The following BCAS3 variants were observed in gnomAD, a reference collection of about 807,000 sequenced individuals.
BCAS3 encodes the protein BCAS4/BCAS3 fusion.
BCAS3 carries 53 observed loss-of-function variants against 116.1 expected under a neutral mutation model. That is an observed-to-expected ratio of 0.46 (90% CI 0.37 to 0.57). BCAS3 has a LOEUF of 0.57. Among genes scored for constraint, BCAS3 ranks in the 20% least tolerant of loss-of-function variants. The probability of loss-of-function intolerance (pLI) is 0.00; values close to 1 mark genes in which losing one functional copy is unlikely to be tolerated. For missense variants in BCAS3, 917 were observed against 1,165.4 expected, an observed-to-expected ratio of 0.79 and a Z score of 3.10; for synonymous variants, 391 against 408.2, an observed-to-expected ratio of 0.96 and a Z score of 0.51.
chr17:61,157,900 A>T (rs570828654), intron 22 of BCAS3, among the ~76,000 whole-genome samples: 1 of 152,282 alleles, frequency 6.6e-6, no homozygotes, highest in East Asian at 1.9e-4. Flanking sequence ...TCTGTTTTAG[A>T]TTGCAGCTTT....
intron 15 of BCAS3, among the ~76,000 whole-genome samples, chr17:61,002,391 T>C (rs989631266): frequency 1.3e-5 from 2 of 152,126 alleles, no homozygotes; most frequent in African/African-American, 4.8e-5. Flanking sequence ...ATTTTTTACA[T>C]GGGCAAATCA....
chr17:61,068,599 G>A lies in BCAS3; in HGVS notation c.2030-6321G>A, dbSNP rs1375660912. Among the ~76,000 whole-genome samples, 1 of 152,124 alleles carries A rather than the reference G, an allele frequency of 6.6e-6. No individual in the cohort carries two copies. Among genetic ancestry groups the A allele is most frequent in the Admixed American group, 6.6e-5 (1 of 15,256 alleles). ...ACCTGGCTGTACAGACACACTATGT[G>A]CACACCATTTCTACTCTTGTACCAT... is the stretch of plus-strand genomic sequence containing the variant. On this transcript the variant is annotated intron_variant, in intron 19 of 23. Transcript: ENST00000407086. The surrounding 1 kb of genome is among the most constrained non-coding windows in gnomAD (Gnocchi z 4.3).
At chr17:61,238,739 A>C (rs1602112147) in intron 22 of BCAS3, among the ~76,000 whole-genome samples, 1 of 151,742 alleles carries the variant, frequency 6.6e-6, no homozygotes, top group Non-Finnish European at 1.5e-5. Context: ...TCCTCTGCTG[A>C]CCCTGCTGCT....
chr17:60,719,681 G>T (rs1294627666), intron 5 of BCAS3, among the ~76,000 whole-genome samples: 1 of 152,148 alleles, frequency 6.6e-6, no homozygotes, highest in Non-Finnish European at 1.5e-5. Flanking sequence ...AGAATCTTTT[G>T]GTAACATACA....
intron 19 of BCAS3, among the ~76,000 whole-genome samples, chr17:61,045,885 T>TA (rs2068063988): frequency 2.6e-5 from 1 of 38,476 alleles, no homozygotes; most frequent in Non-Finnish European, 3.6e-5. Context: ...AAATATATAT[T>TA]ATATATATAA....
chr17:61,005,337 G>A (rs1333636835), intron 15 of BCAS3, among the ~76,000 whole-genome samples: 1 of 151,868 alleles, frequency 6.6e-6, no homozygotes, highest in East Asian at 1.9e-4. Flanking sequence ...AATTTAGGCA[G>A]CTAAATGGAG....
chr17:60,957,071 G>A (rs868272379), intron 14 of BCAS3, among the ~76,000 whole-genome samples: 3 of 152,164 alleles, frequency 2.0e-5, no homozygotes, highest in Non-Finnish European at 4.4e-5. Flanking sequence ...CACATATGCA[G>A]TAAGAAAAAT....
At chr17:60,715,137 T>C (rs1344442914) in intron 5 of BCAS3, among the ~76,000 whole-genome samples, 25 of 140,600 alleles carry the variant, frequency 1.8e-4, no homozygotes, top group African/African-American at 7.3e-4. Flanking sequence ...TCTTTCTTTT[T>C]TTTTTTTTTT....
At chr17:61,009,313 A>G (rs1186050352) in intron 15 of BCAS3, among the ~76,000 whole-genome samples, 2 of 152,016 alleles carry the variant, frequency 1.3e-5, no homozygotes, top group Non-Finnish European at 2.9e-5. Flanking sequence ...TCTAATGACA[A>G]CAGAAGGACA....
chr17:60,904,886 A>G lies in BCAS3; in HGVS notation c.822+2183A>G, dbSNP rs190021348. Reference sequence around the variant, plus strand: ...CTCCAGACCTAGAAAACTTCTCTAGAGAATTCTTTTTAATATTTAAGAATA... The same window carrying G: ...CTCCAGACCTAGAAAACTTCTCTAGGGAATTCTTTTTAATATTTAAGAATA... On this transcript the variant is annotated intron_variant, in intron 11 of 23. Coordinates refer to ENST00000407086, the MANE Select transcript of BCAS3 (RefSeq NM_017679.5). Among the ~76,000 whole-genome samples the G allele has an allele frequency of 9.8e-4, 150 of 152,338 alleles. 1 individual carries two copies. The highest frequency in any genetic ancestry group is 2.2e-3 in the Admixed American group (33 of 15,306).
intron 7 of BCAS3, among the ~76,000 whole-genome samples, chr17:60,836,950 T>A (rs1410348145): frequency 6.6e-6 from 1 of 152,224 alleles, no homozygotes; most frequent in Admixed American, 6.5e-5. Context: ...TTGACATTTG[T>A]TGATTTGTCT....
chr17:61,100,494 A>G (rs1263264522), intron 22 of BCAS3, among the ~76,000 whole-genome samples: 2 of 152,096 alleles, frequency 1.3e-5, no homozygotes, highest in Admixed American at 6.6e-5. Context: ...CACCCCCTTG[A>G]TTAAATTAAT....
chr17:60,811,120 A>G (rs1193626804), intron 7 of BCAS3: 1 of 631,360 alleles, frequency 1.6e-6, no homozygotes, highest in Non-Finnish European at 2.9e-6. Flanking sequence ...TCTGAAGGCC[A>G]GCTTGCAGAA....
chr17:60,954,473 T>C (rs890894422), intron 14 of BCAS3, among the ~76,000 whole-genome samples: 4 of 152,240 alleles, frequency 2.6e-5, no homozygotes, highest in Non-Finnish European at 5.9e-5. Flanking sequence ...ATGGTATTAA[T>C]TCACACTGTT....
At chr17:60,861,588 T>C (rs2054164181) in intron 7 of BCAS3, among the ~76,000 whole-genome samples, 1 of 152,202 alleles carries the variant, frequency 6.6e-6, no homozygotes, top group African/African-American at 2.4e-5. Context: ...GGGGAATGTT[T>C]CCAGTTTTTG....
intron 23 of BCAS3, among the ~76,000 whole-genome samples, chr17:61,386,400 T>C (rs1467554375): frequency 6.6e-6 from 1 of 152,240 alleles, no homozygotes; most frequent in Non-Finnish European, 1.5e-5. Context: ...AGGGTCAGAC[T>C]GGACCCTAAG....
At chr17:61,046,506 A>T (rs2068366490) in intron 19 of BCAS3, among the ~76,000 whole-genome samples, 1 of 151,830 alleles carries the variant, frequency 6.6e-6, no homozygotes, top group Non-Finnish European at 1.5e-5. Flanking sequence ...ACCCACGCAC[A>T]TCCCCCTGTA....
chr17:61,176,273 T>C (rs1452914422), intron 22 of BCAS3, among the ~76,000 whole-genome samples: 1 of 149,348 alleles, frequency 6.7e-6, no homozygotes, highest in Admixed American at 6.7e-5. Flanking sequence ...TAATATATTA[T>C]ATATGTATTT....
chr17:60,977,789 A>G (rs902114070), intron 14 of BCAS3, among the ~76,000 whole-genome samples: 1 of 150,536 alleles, frequency 6.6e-6, no homozygotes, highest in Non-Finnish European at 1.5e-5. Flanking sequence ...ACTGAGAATG[A>G]TGATTTCCAA....
Sources: allele counts gnomAD v4.1 joint callset (sites outside exome capture counted in the v4.1 genomes callset), GRCh38; gene constraint gnomAD v4.1.1; non-coding constraint Gnocchi (gnomAD v3.1); transcripts MANE v1.5; gene names NCBI Gene and HGNC (gene_info 2026-07-23, HGNC 2026-07-21).